Variants in RALGAPA2 observed in about 807,000 individuals in gnomAD.
The protein encoded by RALGAPA2 is ral GTPase-activating protein subunit alpha-2.
A neutral mutation model predicts 230.4 loss-of-function variants in RALGAPA2; 139 were observed. That is an observed-to-expected ratio of 0.60 (90% CI 0.53 to 0.69). The LOEUF (loss-of-function observed/expected upper bound fraction) is 0.69. Ranked by LOEUF, RALGAPA2 falls within the 30% of genes least tolerant of loss-of-function variation. RALGAPA2 has a pLI of 0.00. For synonymous variants in RALGAPA2, 847 were observed against 837.8 expected, an observed-to-expected ratio of 1.01 and a Z score of -0.19; for missense variants, 2,163 against 2,276.0, an observed-to-expected ratio of 0.95 and a Z score of 1.01.
intron 3 of RALGAPA2, among the ~76,000 whole-genome samples, chr20:20,663,317 T>C (rs984937196): frequency 1.3e-5 from 2 of 152,184 alleles, no homozygotes; most frequent in Non-Finnish European, 2.9e-5. Flanking sequence ...TCCTCCCTTA[T>C]GCTAGGGAGA....
intron 21 of RALGAPA2, 67 bp downstream of exon 21, chr20:20,572,808 A>G (rs2064688765): frequency 4.6e-6 from 6 of 1,301,520 alleles, no homozygotes; most frequent in East Asian, 2.6e-5. Flanking sequence ...ACTGAAACAC[A>G]GTTTTTACAT....
chr20:20,491,119 GA>G (rs1283703361), intron 36 of RALGAPA2, among the ~76,000 whole-genome samples: 1 of 152,116 alleles, frequency 6.6e-6, no homozygotes, highest in Non-Finnish European at 1.5e-5. Context: ...CAAAGAAACG[GA>G]AAGATCTGCC....
chr20:20,642,155 AGG>A (rs2067058933), intron 5 of RALGAPA2, among the ~76,000 whole-genome samples: 1 of 3,724 alleles, frequency 2.7e-4, no homozygotes, highest in African/African-American at 8.9e-4. Context: ...AGGGGAGGGG[AGG>A]GGAGGGGAGG....
chr20:20,425,681 C>T (rs1336885874), intron 37 of RALGAPA2, among the ~76,000 whole-genome samples: 2 of 152,142 alleles, frequency 1.3e-5, no homozygotes, highest in Non-Finnish European at 2.9e-5. Context: ...TTGAGTGGTA[C>T]GCTGGGTTGC....
chr20:20,560,775 G>C lies in RALGAPA2; in HGVS notation c.3156+10683C>G, dbSNP rs73292705. Among the ~76,000 whole-genome samples the C allele has an allele frequency of 8.4e-3, 1,276 of 152,238 alleles. 12 individuals are homozygous for C. The highest frequency in any genetic ancestry group is 0.029 in the African/African-American group (1,211 of 41,526). On this transcript the variant is annotated intron_variant, in intron 23 of 39. Coordinates refer to ENST00000202677, the MANE Select transcript of RALGAPA2 (RefSeq NM_020343.4). ...TTCCTGTGTCTCTCAGTGCCTCTGT[G>C]CCTGGAGAAAAATGTAACATTTCTT...
chr20:20,536,818 CT>C (rs958159284), intron 24 of RALGAPA2, 34 bp from the exon 25 acceptor site: 1 of 1,593,080 alleles, frequency 6.3e-7, no homozygotes, highest in African/African-American at 1.3e-5. Flanking sequence ...ACACATTTCT[CT>C]TTTTGTAAGT....
chr20:20,406,333 T>TA (rs1388986074), intron 38 of RALGAPA2, among the ~76,000 whole-genome samples: 3 of 151,962 alleles, frequency 2.0e-5, no homozygotes, highest in Admixed American at 6.6e-5. Flanking sequence ...TGATAGCTGG[T>TA]AAAAAAAACT....
intron 11 of RALGAPA2, among the ~76,000 whole-genome samples, chr20:20,619,667 T>A (rs1603087630): frequency 6.6e-6 from 1 of 152,222 alleles, no homozygotes. Flanking sequence ...GTCCAATGAC[T>A]GAGTGAGCAT....
At chr20:20,479,446 A>C (rs1299733292) in intron 36 of RALGAPA2, among the ~76,000 whole-genome samples, 1 of 152,226 alleles carries the variant, frequency 6.6e-6, no homozygotes, top group African/African-American at 2.4e-5. Context: ...TATCATGACC[A>C]AGTCGGGTAT....
chr20:20,620,953 C>T (rs1394809566), intron 10 of RALGAPA2, among the ~76,000 whole-genome samples: 2 of 152,054 alleles, frequency 1.3e-5, no homozygotes, highest in African/African-American at 4.8e-5. Flanking sequence ...CCAACCTGGC[C>T]AACATGGTGA....
intron 2 of RALGAPA2, among the ~76,000 whole-genome samples, chr20:20,676,659 C>G (rs1419055586): frequency 6.6e-6 from 1 of 152,178 alleles, no homozygotes; most frequent in Non-Finnish European, 1.5e-5. Flanking sequence ...AGTCATAGAG[C>G]AGATAACTAT....
chr20:20,657,777 T>A (rs1416453019), intron 3 of RALGAPA2, among the ~76,000 whole-genome samples: 3 of 152,144 alleles, frequency 2.0e-5, no homozygotes, highest in Non-Finnish European at 1.5e-5. Flanking sequence ...TCTGATCCCA[T>A]CTTGCCACTT....
intron 3 of RALGAPA2, among the ~76,000 whole-genome samples, chr20:20,661,995 G>T (rs2067797324): frequency 6.6e-6 from 1 of 152,106 alleles, no homozygotes; most frequent in Non-Finnish European, 1.5e-5. Flanking sequence ...AGAAACTAAA[G>T]GGGAAAAACA....
At chr20:20,532,640 A>G (rs549896991) in intron 26 of RALGAPA2, among the ~76,000 whole-genome samples, 2 of 152,184 alleles carry the variant, frequency 1.3e-5, no homozygotes, top group African/African-American at 4.8e-5. Flanking sequence ...CGTTTAATAT[A>G]TAAGTCTGAA....
chr20:20,439,483 G>A (rs945901537), intron 37 of RALGAPA2, among the ~76,000 whole-genome samples: 3 of 152,182 alleles, frequency 2.0e-5, no homozygotes, highest in African/African-American at 7.2e-5. Flanking sequence ...CAAGTGATGG[G>A]ATTATAGGTG....
intron 1 of RALGAPA2, among the ~76,000 whole-genome samples, chr20:20,694,062 C>A (rs952146410): frequency 6.6e-6 from 1 of 151,798 alleles, no homozygotes; most frequent in African/African-American, 2.4e-5. Flanking sequence ...CATGATTGAG[C>A]CACTGCACTC....
intron 18 of RALGAPA2, among the ~76,000 whole-genome samples, chr20:20,585,851 G>A (rs1325548680): frequency 6.6e-6 from 1 of 151,768 alleles, no homozygotes; most frequent in Non-Finnish European, 1.5e-5. Context: ...TTCAAGTGGG[G>A]AACAAGATGT....
chr20:20,613,712 C>T (rs1042588737), intron 13 of RALGAPA2, among the ~76,000 whole-genome samples: 1 of 152,142 alleles, frequency 6.6e-6, no homozygotes, highest in Admixed American at 6.5e-5. Context: ...ACCTTTTCTC[C>T]CATCAGGGCT....
chr20:20,443,396 C>A (rs1480598775), intron 37 of RALGAPA2, among the ~76,000 whole-genome samples: 1 of 152,206 alleles, frequency 6.6e-6, no homozygotes, highest in African/African-American at 2.4e-5. Context: ...GCATCATTTT[C>A]TGGGGGCATG....
Sources: gnomAD v4.1 joint callset for allele counts (sites outside exome capture counted in the v4.1 genomes callset) on GRCh38, gnomAD v4.1.1 for gene constraint, MANE v1.5 for transcripts, NCBI Gene and HGNC (gene_info 2026-07-23, HGNC 2026-07-21) for gene names.